OAS2: variants seen among roughly 807,000 people sequenced by gnomAD.
OAS2 encodes the protein 2'-5'-oligoadenylate synthase 2.
In OAS2, 67 loss-of-function variants were observed where a neutral mutation model predicts 71.3. That is an observed-to-expected ratio of 0.94 (90% CI 0.77 to 1.15). The LOEUF is 1.15. Among genes scored for constraint, OAS2 ranks in the 50% most tolerant of loss-of-function variants. OAS2 has a pLI of 0.00. For missense variants in OAS2, 789 were observed against 822.5 expected, an observed-to-expected ratio of 0.96 and a Z score of 0.50; for synonymous variants, 327 against 321.8, an observed-to-expected ratio of 1.02 and a Z score of -0.17.
intron 2 of OAS2, among the ~76,000 whole-genome samples, chr12:112,993,575 G>A (rs2044209765): frequency 1.3e-5 from 2 of 152,158 alleles, no homozygotes; most frequent in African/African-American, 4.8e-5. Flanking sequence ...CTTTCTCCTG[G>A]TTTCTTATCT....
chr12:112,979,911 G>A (rs192176962), intron 1 of OAS2, among the ~76,000 whole-genome samples: 5 of 152,310 alleles, frequency 3.3e-5, no homozygotes, highest in East Asian at 3.9e-4. Flanking sequence ...TGGGATGTGG[G>A]ACTCTTGGTG....
At position 113,010,665 on chromosome 12, in the gene OAS2, C is replaced by G. The variant is rs2044372789; in HGVS notation, c.*1410C>G. On this transcript the variant is annotated 3_prime_UTR_variant, in exon 10 of 10. Coordinates refer to ENST00000392583, the MANE Select transcript of OAS2 (RefSeq NM_002535.3). ...TGCTGAACTCCCTCTCTGCAGGCAG[C>G]CTGCCTTTAAAAATAGTTGCTGTCA... 1.2e-6 allele frequency: 1 copy of G among 811,724 alleles called. No homozygotes were observed. 50.3% of individuals were successfully genotyped at this position (811,724 alleles called of 1,614,324 possible).
rs759287047 is a variant in OAS2, at chr12:112,987,155, G to T, written c.295G>T (p.Asp99Tyr). The stretch of plus-strand genomic sequence containing the variant: ...GAAGAGAAGCCAACGTGACATCCTC[G>T]ATAAAACTGGGGATAAGCTGAAGTT... ...DQKRSQRDILDKTGDKLKFCL... is the reference protein window; with the variant it reads ...DQKRSQRDILYKTGDKLKFCL... The change falls in exon 2 of 10, where the codon GAT becomes TAT. Residue 99 changes from aspartate (D) to tyrosine (Y), a missense_variant. Asp to Tyr is a radical substitution (Grantham distance 160). Transcript: ENST00000392583. The T allele has an allele frequency of 6.2e-7, 1 of 1,614,180 alleles. No individual in the cohort carries two copies. The highest frequency in any genetic ancestry group is 8.5e-7 in the Non-Finnish European group (1 of 1,180,030).
At chr12:113,000,034 C>G (rs2044269961) in intron 5 of OAS2, among the ~76,000 whole-genome samples, 1 of 152,188 alleles carries the variant, frequency 6.6e-6, no homozygotes, top group Non-Finnish European at 1.5e-5. Flanking sequence ...CGTGAGCCAC[C>G]TCACCTGGCC....
rs1203448192 is a variant in OAS2, at chr12:113,005,214, A to G, written c.1460A>G (p.Asn487Ser). ...SVSFDVLPAF[N>S]ALGQLSSGST... is the part of the protein sequence containing the mutation. ...AGCTTTGATGTGCTTCCTGCCTTTA[A>G]TGCACTGGGTAAGGCTCCCCAGACC... Residue 487 changes from asparagine (N) to serine (S), a missense_variant, in exon 7 of 10, where the codon AAT becomes AGT. Coordinates refer to ENST00000392583, the MANE Select transcript of OAS2 (RefSeq NM_002535.3). 6.2e-7 allele frequency: 1 copy of G among 1,613,492 alleles called. No individual in the cohort carries two copies. Among genetic ancestry groups the G allele is most frequent in the East Asian group, 2.2e-5 (1 of 44,860 alleles).
intron 1 of OAS2, among the ~76,000 whole-genome samples, chr12:112,982,795 A>C (rs1199326942): frequency 1.3e-5 from 2 of 152,180 alleles, no homozygotes; most frequent in Non-Finnish European, 2.9e-5. Flanking sequence ...CAGTAAAGCC[A>C]TCTAGTCCTG....
chr12:112,980,736 G>A (rs1311606389), intron 1 of OAS2, among the ~76,000 whole-genome samples: 1 of 152,130 alleles, frequency 6.6e-6, no homozygotes, highest in Non-Finnish European at 1.5e-5. Flanking sequence ...TAAATACCTA[G>A]TAGTGGGATT....
intron 4 of OAS2, 149 bp downstream of exon 4, chr12:112,997,904 T>C: frequency 1.5e-6 from 1 of 674,232 alleles, no homozygotes; most frequent in South Asian, 2.0e-5. Flanking sequence ...GATGGGTCTG[T>C]CTGAAAGAGG....
intron 2 of OAS2, 78 bp from the exon 3 acceptor site, chr12:112,995,218 C>CCTT (rs2044223261): frequency 7.5e-7 from 1 of 1,336,652 alleles, no homozygotes; most frequent in African/African-American, 1.5e-5. Flanking sequence ...CTATAACTGA[C>CCTT]CTTCATTGTA....
intron 3 of OAS2, 100 bp downstream of exon 3, chr12:112,995,574 C>T (rs915731882): frequency 4.1e-5 from 47 of 1,143,340 alleles, no homozygotes; most frequent in East Asian, 4.9e-5. Context: ...TACAGCTCAA[C>T]GCATTTTTTA....
At chr12:112,988,266 A>C (rs1213518346) in intron 2 of OAS2, 4 of 966,806 alleles carry the variant, frequency 4.1e-6, no homozygotes, top group African/African-American at 1.8e-5. Flanking sequence ...AATTTAATGG[A>C]GTTTAACTGA....
At chr12:113,004,252 G>C (rs1388244045) in intron 6 of OAS2, among the ~76,000 whole-genome samples, 1 of 152,206 alleles carries the variant, frequency 6.6e-6, no homozygotes, top group Non-Finnish European at 1.5e-5. Flanking sequence ...GGGATGAATT[G>C]AGGATCTGCA....
At chr12:112,990,201 T>C (rs781444949) in intron 2 of OAS2, among the ~76,000 whole-genome samples, 3 of 152,248 alleles carry the variant, frequency 2.0e-5, no homozygotes, top group Non-Finnish European at 2.9e-5. Flanking sequence ...GACCATGACC[T>C]GTGACACAAT....
chr12:112,986,995 C>T (rs2044143214), intron 1 of OAS2, 43 bp from the exon 2 acceptor site: 1 of 1,563,404 alleles, frequency 6.4e-7, no homozygotes, highest in Non-Finnish European at 8.7e-7. Context: ...TCCCTGTAAC[C>T]CCAGAATCTA....
chr12:113,005,918 CAAAAAAA>C (rs138299398), intron 7 of OAS2, among the ~76,000 whole-genome samples: 25 of 49,042 alleles, frequency 5.1e-4, no homozygotes, highest in African/African-American at 8.1e-4. Context: ...ACAACAACAA[CAAAAAAA>C]AAAAAAAAAA....
At chr12:112,988,939 A>G (rs1356086226) in intron 2 of OAS2, 1 of 163,178 alleles carries the variant, frequency 6.1e-6, no homozygotes, top group Non-Finnish European at 1.3e-5. Context: ...CAATCTATTT[A>G]GAAAGTATAT....
In OAS2 at chr12:113,010,564, C is replaced by T. The variant is rs138378688; in HGVS notation, c.*1309C>T. ...CACATCCATTCTTCCCTTGATGGTC[C>T]CTATTCCTCCTTCCCTTGCTTCTTG... On this transcript the variant is annotated 3_prime_UTR_variant, in exon 10 of 10. Coordinates refer to ENST00000392583, the MANE Select transcript of OAS2 (RefSeq NM_002535.3). The T allele has an allele frequency of 2.5e-4, 390 of 1,550,870 alleles. 1 individual carries two copies. The African/African-American group carries it at 4.4e-3, about 18-fold the overall frequency.
intron 2 of OAS2, 28 bp downstream of exon 2, chr12:112,987,336 A>G (rs1477535578): frequency 6.2e-7 from 1 of 1,613,302 alleles, no homozygotes; most frequent in Non-Finnish European, 8.5e-7. Context: ...TCAGGAGAGA[A>G]AAGCCAAAGA....
chr12:112,995,532 T>A (rs1173220273), intron 3 of OAS2, 58 bp downstream of exon 3: 8 of 1,492,496 alleles, frequency 5.4e-6, no homozygotes, highest in Admixed American at 1.9e-5. Context: ...TCGAGATAAT[T>A]GACATCCAGT....
Sources: allele counts gnomAD v4.1 joint callset (sites outside exome capture counted in the v4.1 genomes callset), GRCh38; gene constraint gnomAD v4.1.1; transcripts MANE v1.5; gene names NCBI Gene and HGNC (gene_info 2026-07-23, HGNC 2026-07-21).